Variants in RELL1 observed in about 807,000 individuals in gnomAD.
The protein encoded by RELL1 is RELT like 1.
RELL1 carries 10 observed loss-of-function variants against 23.0 expected under a neutral mutation model. The ratio of observed to expected loss-of-function variants is 0.43; its 90% CI spans 0.27 to 0.74. RELL1 has a LOEUF of 0.74. Ranked by LOEUF, RELL1 falls within the 30% of genes least tolerant of loss-of-function variation. The pLI, the probability that RELL1 is intolerant of heterozygous loss-of-function variation, is 0.19. For missense variants in RELL1, 315 were observed against 364.4 expected (o/e 0.86, Z 1.10); for synonymous variants, 146 against 146.8 (o/e 0.99, Z 0.04).
chr4:37,647,897 C>A (rs1720763992), intron 2 of RELL1, among the ~76,000 whole-genome samples: 1 of 152,102 alleles, frequency 6.6e-6, no homozygotes, highest in Non-Finnish European at 1.5e-5. Context: ...CTGCTGTATC[C>A]TCTGAAATAC....
In RELL1 at chr4:37,635,115, G is replaced by A. The variant is rs1720277866; in HGVS notation, c.452C>T (p.Thr151Ile). The A allele has an allele frequency of 6.2e-7, 1 of 1,613,920 alleles. No individual in the cohort carries two copies. Among genetic ancestry groups the A allele is most frequent in the South Asian group, 1.1e-5 (1 of 91,088 alleles). Residue 151 changes from threonine to isoleucine, a missense_variant, in exon 5 of 7, where the codon ACC (threonine) becomes ATC (isoleucine). Physicochemically the swap from Thr to Ile is moderately conservative, Grantham distance 89. Coordinates refer to ENST00000454158, the MANE Select transcript of RELL1 (RefSeq NM_001085400.2). ...TGGCGGGCTCCCTGGTGTGCTGGGG[G>A]TCACGGGGCTAATGTGGGGAGGAAA... ...NSLYDPESPV[T>I]PSTPGSPPVS...
chr4:37,667,803 A>C (rs1180859872), intron 1 of RELL1, among the ~76,000 whole-genome samples: 2 of 152,032 alleles, frequency 1.3e-5, no homozygotes, highest in African/African-American at 4.8e-5. Context: ...ACAAAATTAA[A>C]ATGCTACCCT....
chr4:37,648,497 G>C lies in RELL1; in HGVS notation c.313+779C>G, dbSNP rs1720785101. Among the ~76,000 whole-genome samples, 3 of 152,200 alleles carry C rather than the reference G, an allele frequency of 2.0e-5. No individual in the cohort carries two copies. The South Asian group carries it at 6.2e-4, about 32-fold the overall frequency. On this transcript the variant is annotated intron_variant, in intron 2 of 6. Transcript: ENST00000454158. Reference sequence around the variant, plus strand: ...CCCTTAGCAGGGCTGAAAGGAATAGGGGGAGTCACCTACTACCTCTCAAGG... The same window carrying C: ...CCCTTAGCAGGGCTGAAAGGAATAGCGGGAGTCACCTACTACCTCTCAAGG...
At chr4:37,678,948 T>TG (rs543302107) in intron 1 of RELL1, among the ~76,000 whole-genome samples, 10 of 151,970 alleles carry the variant, frequency 6.6e-5, no homozygotes, top group Admixed American at 2.6e-4. Flanking sequence ...GCAAGGGAAA[T>TG]GGGAGATACC....
At chr4:37,686,135 G>A (rs1722401239) in intron 1 of RELL1, 65 bp downstream of exon 1, 2 of 1,396,884 alleles carry the variant, frequency 1.4e-6, no homozygotes, top group Admixed American at 2.0e-5. Flanking sequence ...CCGACCCCTC[G>A]CTTCCTTCCG....
chr4:37,621,403 C>G (rs1280952147), intron 6 of RELL1, among the ~76,000 whole-genome samples: 2 of 151,880 alleles, frequency 1.3e-5, no homozygotes, highest in African/African-American at 4.8e-5. Context: ...TTGCAGTGAG[C>G]CAAGATCGCG....
intron 4 of RELL1, among the ~76,000 whole-genome samples, chr4:37,635,460 T>C: frequency 6.6e-6 from 1 of 151,980 alleles, no homozygotes; most frequent in East Asian, 1.9e-4. Flanking sequence ...ACCTCGTCTC[T>C]GAAAAAAAAT....
chr4:37,682,843 A>C (rs7675814), intron 1 of RELL1, among the ~76,000 whole-genome samples: 12,579 of 152,236 alleles, frequency 0.083, 822 homozygotes, highest in African/African-American at 0.18. Flanking sequence ...TGCATTTTTC[A>C]TCTCACCAGC....
At chr4:37,618,751 T>C (rs1395788450) in intron 6 of RELL1, among the ~76,000 whole-genome samples, 1 of 152,212 alleles carries the variant, frequency 6.6e-6, no homozygotes, top group Admixed American at 6.5e-5. Flanking sequence ...CATATTTAAG[T>C]TTTTACAGTT....
At chr4:37,631,334 C>A in intron 6 of RELL1, 51 bp downstream of exon 6, 1 of 1,554,770 alleles carries the variant, frequency 6.4e-7, no homozygotes, top group Non-Finnish European at 8.7e-7. Context: ...CAAGTACCTT[C>A]TCCTCACCCT....
rs144257223 is a variant in RELL1 at position 37,680,307 on chromosome 4, A to T, written c.88+5893T>A. 3.0e-4 allele frequency among the ~76,000 whole-genome samples: 46 copies of T among 152,310 alleles called. 1 individual carries two copies. The highest frequency in any genetic ancestry group is 1.0e-3 in the African/African-American group (43 of 41,572). On this transcript the variant is annotated intron_variant, in intron 1 of 6. Coordinates refer to ENST00000454158, the MANE Select transcript of RELL1 (RefSeq NM_001085400.2). ...CACTGATGTCATCAATTGCCTCAAA[A>T]ATGTGAACATCTTTGACCCTCAAAG...
At chr4:37,590,728 G>A (rs1335169351), downstream of RELL1, 1 of 1,614,170 alleles carries the variant, frequency 6.2e-7, no homozygotes, top group Non-Finnish European at 8.5e-7. Context: ...GCCCCCAGTG[G>A]GGGAGCATGG....
intron 3 of RELL1, among the ~76,000 whole-genome samples, chr4:37,642,072 C>CA (rs1415460551): frequency 2.0e-5 from 3 of 152,168 alleles, no homozygotes; most frequent in African/African-American, 7.2e-5. Flanking sequence ...TCCTACCCTT[C>CA]AATGTCCAAG....
At chr4:37,607,907 C>A (rs1719272453), downstream of RELL1, among the ~76,000 whole-genome samples, 3 of 152,134 alleles carry the variant, frequency 2.0e-5, no homozygotes, top group African/African-American at 4.8e-5. Context: ...ACTTTTCCAA[C>A]AGCATGTGCT....
At chr4:37,671,803 G>A (rs1560358799) in intron 1 of RELL1, among the ~76,000 whole-genome samples, 3 of 152,184 alleles carry the variant, frequency 2.0e-5, no homozygotes, top group African/African-American at 4.8e-5. Flanking sequence ...TTTACTCTAC[G>A]GATTTGCCCG....
At chr4:37,676,009 G>A (rs181211987) in intron 1 of RELL1, among the ~76,000 whole-genome samples, 31 of 152,250 alleles carry the variant, frequency 2.0e-4, no homozygotes, top group Middle Eastern at 3.4e-3. Context: ...CCTCTCTTCG[G>A]TGACCACAAG....
At chr4:37,622,884 A>C in intron 6 of RELL1, 1 of 442,306 alleles carries the variant, frequency 2.3e-6, no homozygotes, top group South Asian at 1.6e-5. Context: ...GGCTCACGGC[A>C]ACCTCTGCCT....
At chr4:37,663,889 TAAG>T (rs1397481123) in intron 1 of RELL1, among the ~76,000 whole-genome samples, 1 of 152,080 alleles carries the variant, frequency 6.6e-6, no homozygotes, top group African/African-American at 2.4e-5. Context: ...CCTTAAACAC[TAAG>T]AAGCTGCCTC....
At chr4:37,643,579 A>C (rs1450851547) in intron 3 of RELL1, among the ~76,000 whole-genome samples, 1 of 152,234 alleles carries the variant, frequency 6.6e-6, no homozygotes, top group African/African-American at 2.4e-5. Context: ...GTAAAGGAAA[A>C]GTCATGGTAC....
Sources: allele counts gnomAD v4.1 joint callset (sites outside exome capture counted in the v4.1 genomes callset), GRCh38; gene constraint gnomAD v4.1.1; transcripts MANE v1.5; gene names NCBI Gene and HGNC (gene_info 2026-07-23, HGNC 2026-07-21).